Variants in G2E3 observed in about 807,000 individuals in gnomAD.
G2E3 encodes G2/M phase-specific E3 ubiquitin-protein ligase.
Under a neutral mutation model 92.8 loss-of-function variants are expected in G2E3, and 35 were observed. That is an observed-to-expected ratio of 0.38 (90% CI 0.29 to 0.50). The LOEUF (loss-of-function observed/expected upper bound fraction) is 0.50. G2E3 is among the 20% of genes least tolerant of loss of function. The probability of loss-of-function intolerance (pLI) is 0.94; values close to 1 mark genes in which losing one functional copy is unlikely to be tolerated. For synonymous variants in G2E3, 242 were observed against 272.4 expected (o/e 0.89, Z 1.10); for missense variants, 554 against 823.8 (o/e 0.67, Z 4.01).
chr14:30,592,407 C>G lies in G2E3; in HGVS notation c.322C>G (p.Leu108Val). The change falls in exon 5 of 15, where the codon CTT (leucine) becomes GTT (valine). Residue 108 changes from leucine to valine, a missense_variant. Physicochemically the swap from Leu to Val is conservative, Grantham distance 32. Around this residue, in one of 3 missense-constraint regions of G2E3, gnomAD observed 137 missense variants for 201.3 expected, o/e 0.68. Coordinates refer to ENST00000206595, the MANE Select transcript of G2E3 (RefSeq NM_017769.5). ...CKRSYHFPCG[L>V]QRECIFQFTG... Reference sequence around the variant, plus strand: ...ACGAAGTTATCATTTCCCATGTGGACTTCAGAGAGAATGTATTTTCCAGTT... The same window carrying G: ...ACGAAGTTATCATTTCCCATGTGGAGTTCAGAGAGAATGTATTTTCCAGTT... 1 of 1,594,638 alleles carries G rather than the reference C, an allele frequency of 6.3e-7. No homozygotes were observed. The highest frequency in any genetic ancestry group is 8.5e-7 in the Non-Finnish European group (1 of 1,173,514).
intron 10 of G2E3, among the ~76,000 whole-genome samples, chr14:30,603,433 A>G (rs1881675467): frequency 6.6e-6 from 1 of 152,136 alleles, no homozygotes; most frequent in Non-Finnish European, 1.5e-5. Context: ...GTTCAGCTGT[A>G]GTTAAGATTT....
In G2E3 at chr14:30,587,389, T is replaced by C. The variant is rs561905062; in HGVS notation, c.135+574T>C. On this transcript the variant is annotated intron_variant, in intron 3 of 14. Coordinates refer to ENST00000206595, the MANE Select transcript of G2E3 (RefSeq NM_017769.5). ...ACCTCACTGAATTCATGCCTTAAGA[T>C]ATTAGTGGCACATTACCACCTTAGC... Among the ~76,000 whole-genome samples the C allele has an allele frequency of 3.9e-5, 6 of 152,336 alleles. No individual in the cohort carries two copies. In the South Asian group the frequency reaches 8.3e-4, roughly 21 times the overall value.
intron 4 of G2E3, chr14:30,591,042 C>T: frequency 5.4e-6 from 1 of 184,582 alleles, no homozygotes; most frequent in Non-Finnish European, 1.1e-5. Flanking sequence ...TATTTTGAAG[C>T]ATTTTGGATT....
chr14:30,573,409 A>ATGTGTG (rs10552989), intron 1 of G2E3: 5 of 148,880 alleles, frequency 3.4e-5, no homozygotes, highest in East Asian at 2.0e-4. Context: ...ACAACAGGAT[A>ATGTGTG]TGTGTGTGTG....
intron 8 of G2E3, among the ~76,000 whole-genome samples, chr14:30,600,347 T>C (rs1005829359): frequency 6.6e-6 from 1 of 152,178 alleles, no homozygotes; most frequent in Non-Finnish European, 1.5e-5. Flanking sequence ...TGGCGTTATT[T>C]AAATTTAATG....
At chr14:30,588,474 A>G (rs1039119623) in intron 3 of G2E3, among the ~76,000 whole-genome samples, 1 of 152,092 alleles carries the variant, frequency 6.6e-6, no homozygotes, top group Non-Finnish European at 1.5e-5. Flanking sequence ...TATGTAATAC[A>G]TTTAAGTTGA....
chr14:30,589,286 GTC>G lies in G2E3; in HGVS notation c.136-95_136-94del. On this transcript the variant is annotated intron_variant, in intron 3 of 14. Transcript: ENST00000206595. ...CTACTTGAAATTTGAGCCATTTTAT[GTC>G]TGTTTTTTATTAGACTGAATAGTAT... is the stretch of plus-strand genomic sequence containing the variant. The G allele has an allele frequency of 1.2e-5, 8 of 684,048 alleles. 1 individual carries two copies. In the South Asian group the frequency reaches 1.4e-4, roughly 12 times the overall value. The allele number at this position is 684,048 out of a possible 1,614,324, so 42.4% of individuals were successfully genotyped here. A position where few individuals can be genotyped will look rare whatever the true frequency, so the allele number is the denominator to read the frequency against.
chr14:30,603,057 G>A (rs560373939), intron 10 of G2E3, among the ~76,000 whole-genome samples: 2 of 152,272 alleles, frequency 1.3e-5, no homozygotes, highest in Admixed American at 6.5e-5. Context: ...GCCGGGCATC[G>A]TGGCTCACGC....
Position 30,602,056 on chromosome 14 carries a change from C to T in G2E3, c.935C>T (p.Thr312Ile), listed in dbSNP as rs145352220. The T allele has an allele frequency of 9.5e-5, 153 of 1,611,204 alleles. No homozygotes were observed. The highest frequency in any genetic ancestry group is 1.2e-4 in the Non-Finnish European group (142 of 1,177,590). Residue 312 changes from threonine (T) to isoleucine (I), a missense_variant, in exon 10 of 15, where the codon ACA becomes ATA. This residue lies in a region of G2E3 where 397 missense variants were observed against 560.3 expected (regional missense o/e 0.71). Coordinates refer to ENST00000206595, the MANE Select transcript of G2E3 (RefSeq NM_017769.5). The stretch of plus-strand genomic sequence containing the variant: ...CCCAATTCTAATAATGTGGGGATTA[C>T]AGATTGTTTGTTGGAAGAGTCATCA... ...VLPNSNNVGI[T>I]DCLLEESSPK...
In G2E3 at chr14:30,607,940, A is replaced by G. The variant is rs541987456; in HGVS notation, c.1371A>G (p.Leu457=). ...CTGGCAAAATGCTTGCCATTTCTTT[A>G]GTTCACGGTGGTCCTTCACCTGGTT... The part of the protein sequence containing the change: ...YEAGKMLAIS[L]VHGGPSPGFF... The change falls in exon 12 of 15, where the codon TTA becomes TTG. Residue 457 remains leucine (L), a synonymous_variant. Transcript: ENST00000206595. The G allele has an allele frequency of 1.2e-6, 2 of 1,609,898 alleles. No homozygotes were observed. Among genetic ancestry groups the G allele is most frequent in the South Asian group, 2.2e-5 (2 of 90,774 alleles).
intron 1 of G2E3, among the ~76,000 whole-genome samples, chr14:30,566,280 A>T (rs939647190): frequency 1.3e-5 from 2 of 152,166 alleles, no homozygotes; most frequent in Admixed American, 1.3e-4. Flanking sequence ...TTCCTGCAAA[A>T]AAAGGCCATC....
chr14:30,573,443 GTCTC>G (rs5807590), intron 1 of G2E3: 8,456 of 151,664 alleles, frequency 0.056, 293 homozygotes, highest in African/African-American at 0.087. Flanking sequence ...GTGTGTGTGT[GTCTC>G]TGTGTGTGTA....
intron 1 of G2E3, among the ~76,000 whole-genome samples, chr14:30,563,695 TTGTG>T (rs56029424): frequency 0.2 from 28,629 of 141,068 alleles, 3,114 homozygotes; most frequent in South Asian, 0.29. Flanking sequence ...TTTGTTACTT[TTGTG>T]TGTGTGTGTG....
intron 12 of G2E3, among the ~76,000 whole-genome samples, chr14:30,609,630 C>T (rs1015174086): frequency 2.6e-5 from 4 of 152,136 alleles, no homozygotes; most frequent in Admixed American, 1.3e-4. Context: ...TATTTTTGAG[C>T]CCCCGGACTT....
intron 1 of G2E3, among the ~76,000 whole-genome samples, chr14:30,576,327 T>C (rs1880087509): frequency 6.6e-6 from 1 of 152,188 alleles, no homozygotes; most frequent in African/African-American, 2.4e-5. Flanking sequence ...ATGCAGAAGA[T>C]TGAAGCTGGA....
intron 13 of G2E3, among the ~76,000 whole-genome samples, chr14:30,613,780 A>T (rs1379565791): frequency 6.6e-6 from 1 of 151,750 alleles, no homozygotes; most frequent in East Asian, 1.9e-4. Flanking sequence ...TCTCTATTGC[A>T]TGATTTTTAC....
At chr14:30,581,656 C>G (rs533092053) in intron 2 of G2E3, among the ~76,000 whole-genome samples, 1 of 152,090 alleles carries the variant, frequency 6.6e-6, no homozygotes, top group Non-Finnish European at 1.5e-5. Context: ...GAGCAGAGAT[C>G]GCACCACTAC....
At position 30,619,477 on chromosome 14, in the gene G2E3, TTAAAA is replaced by T. The variant is rs1406586031; in HGVS notation, c.*2947_*2951del. ...GATTATCATGTACTGCATTGTTACT[TTAAAA>T]TAAGCTATTAAACTAGTTTTTATGG... On this transcript the variant is annotated 3_prime_UTR_variant, in exon 15 of 15. Transcript: ENST00000206595. The T allele has an allele frequency of 3.3e-5, 5 of 152,168 alleles. No individual in the cohort carries two copies. Among genetic ancestry groups the T allele is most frequent in the South Asian group, 2.1e-4 (1 of 4,834 alleles). The allele number at this position is 152,168 out of a possible 1,614,324, so 9.4% of individuals were successfully genotyped here.
intron 12 of G2E3, among the ~76,000 whole-genome samples, chr14:30,608,874 C>T (rs1019868131): frequency 6.6e-6 from 1 of 152,172 alleles, no homozygotes; most frequent in Non-Finnish European, 1.5e-5. Context: ...CCCAGCTACT[C>T]TGGAGGCTGA....
Sources: gnomAD v4.1 joint callset for allele counts (sites outside exome capture counted in the v4.1 genomes callset) on GRCh38, gnomAD v4.1.1 for gene constraint, gnomAD v4.1.1 regional missense constraint, MANE v1.5 for transcripts, NCBI Gene and HGNC (gene_info 2026-07-23, HGNC 2026-07-21) for gene names.